The following CD101 variants were observed in gnomAD, a reference collection of about 807,000 sequenced individuals.
CD101 encodes the protein CD101 molecule.
In CD101, 76 loss-of-function variants were observed where a neutral mutation model predicts 98.2. The ratio of observed to expected loss-of-function variants is 0.77; its 90% CI spans 0.64 to 0.94. CD101 has a LOEUF of 0.94. CD101 is among the 40% of genes least tolerant of loss of function. The pLI, the probability that CD101 is intolerant of heterozygous loss-of-function variation, is 0.00. For missense variants in CD101, 1,145 were observed against 1,218.8 expected (o/e 0.94, Z 0.90); for synonymous variants, 471 against 472.7 (o/e 1.00, Z 0.05).
chr1:117,028,166 T>C (rs1324144711), intron 8 of CD101, among the ~76,000 whole-genome samples: 6 of 152,002 alleles, frequency 3.9e-5, no homozygotes, highest in Non-Finnish European at 5.9e-5. Context: ...AGGTAGTATA[T>C]GAAATTGTGG....
intron 1 of CD101, among the ~76,000 whole-genome samples, chr1:117,007,640 G>A (rs111965281): frequency 1.3e-5 from 2 of 152,204 alleles, no homozygotes; most frequent in East Asian, 3.9e-4. Flanking sequence ...GAGCCACCTC[G>A]CCTGGTCATT....
Position 117,013,549 on chromosome 1 carries a change from A to G in CD101, c.985A>G (p.Ile329Val), listed in dbSNP as rs1653012300. The G allele has an allele frequency of 1.2e-6, 2 of 1,614,164 alleles. No homozygotes were observed. Among genetic ancestry groups the G allele is most frequent in the South Asian group, 1.1e-5 (1 of 91,086 alleles). Residue 329 changes from isoleucine (I) to valine (V), a missense_variant, in exon 4 of 10, where the codon ATT becomes GTT. Coordinates refer to ENST00000682167, the MANE Select transcript of CD101 (RefSeq NM_001256106.3). Reference protein sequence around the residue: ...WFFNGTEIAHIDAGGVLGLKN... With the variant: ...WFFNGTEIAHVDAGGVLGLKN... ...CTTCAATGGGACTGAAATTGCTCACATTGATGCTGGTGGAGTCCTGGGCCT... is the reference window on the plus strand; with the variant it reads ...CTTCAATGGGACTGAAATTGCTCACGTTGATGCTGGTGGAGTCCTGGGCCT...
chr1:117,001,964 C>T, intron 1 of CD101, 104 bp downstream of exon 1: 1 of 1,034,286 alleles, frequency 9.7e-7, no homozygotes, highest in Non-Finnish European at 1.5e-6. Context: ...AACAACTATG[C>T]CATATATTTC....
In CD101 at chr1:117,018,271, T is replaced by C; in HGVS notation, c.1728T>C (p.Thr576=). The part of the protein sequence containing the change: ...AGYSDLKVPL[T]VTWQFQPASS... ...ACTCTGACCTCAAGGTGCCACTCAC[T>C]GTGACGTGGCAGTTCCAGCCAGCTA... Residue 576 remains threonine, a synonymous_variant, in exon 6 of 10, where the codon ACT becomes ACC. Transcript: ENST00000682167. This position sits in a 1 kb window ranked among gnomAD's most constrained non-coding sequence, Gnocchi z 4.3. 6.2e-7 allele frequency: 1 copy of C among 1,614,200 alleles called. No homozygotes were observed. The highest frequency in any genetic ancestry group is 2.2e-5 in the East Asian group (1 of 44,886).
At chr1:117,029,196 AAAG>A (rs1654199285) in intron 8 of CD101, among the ~76,000 whole-genome samples, 3 of 74,918 alleles carry the variant, frequency 4.0e-5, no homozygotes. Flanking sequence ...AGAAAGAAAG[AAAG>A]AAAGAAAAGA....
At position 117,025,912 on chromosome 1, in the gene CD101, G is replaced by C. The variant is rs899742960; in HGVS notation, c.2824+8G>C. ...TCACGGTGCTGCCTTCAGGTAACCAGGGGTTTATCTACCGCGAGCTCATGG... is the reference window on the plus strand; with the variant it reads ...TCACGGTGCTGCCTTCAGGTAACCACGGGTTTATCTACCGCGAGCTCATGG... On this transcript the variant is annotated splice_region_variant and intron_variant, in intron 8 of 9. Coordinates refer to ENST00000682167, the MANE Select transcript of CD101 (RefSeq NM_001256106.3). 5 of 1,597,942 alleles carry C rather than the reference G, an allele frequency of 3.1e-6. No individual in the cohort carries two copies. Among genetic ancestry groups the C allele is most frequent in the Non-Finnish European group, 4.3e-6 (5 of 1,168,610 alleles).
chr1:117,027,855 G>A (rs1220759165), intron 8 of CD101, among the ~76,000 whole-genome samples: 4 of 152,064 alleles, frequency 2.6e-5, no homozygotes, highest in Non-Finnish European at 4.4e-5. Flanking sequence ...AGGCCAAGGC[G>A]GGCGGGTCAC....
Position 117,022,725 on chromosome 1 carries a change from C to T in CD101, c.2428+742C>T, listed in dbSNP as rs7545655. 0.02 allele frequency among the ~76,000 whole-genome samples: 3,058 copies of T among 151,968 alleles called. 96 individuals carry two copies. The highest frequency in any genetic ancestry group is 0.07 in the African/African-American group (2,908 of 41,456). Reference sequence around the variant, plus strand: ...TTGAAATACTATTTTCAAGGTAACGCTAAAAAAAAATTAGATGATAATTGA... The same window carrying T: ...TTGAAATACTATTTTCAAGGTAACGTTAAAAAAAAATTAGATGATAATTGA... On this transcript the variant is annotated intron_variant, in intron 7 of 9. Transcript: ENST00000682167. This position sits in a 1 kb window ranked among gnomAD's most constrained non-coding sequence, Gnocchi z 4.8.
intron 8 of CD101, chr1:117,026,207 G>T (rs1473070731): frequency 1.9e-5 from 5 of 266,946 alleles, no homozygotes; most frequent in Middle Eastern, 2.4e-3. Flanking sequence ...AGCTTACTGA[G>T]GGAAAGGGCC....
intron 4 of CD101, among the ~76,000 whole-genome samples, chr1:117,014,770 A>C (rs1196589916): frequency 1.3e-5 from 2 of 152,198 alleles, no homozygotes; most frequent in Non-Finnish European, 2.9e-5. Context: ...CCAAAGATAG[A>C]TAAATTTTCC....
chr1:117,026,952 G>A (rs1031426208), intron 8 of CD101, among the ~76,000 whole-genome samples: 4 of 152,120 alleles, frequency 2.6e-5, no homozygotes, highest in African/African-American at 9.7e-5. Context: ...TGGTAGTCAG[G>A]GAGGCAGTGT....
chr1:117,018,504 GC>G lies in CD101; in HGVS notation c.1967del (p.Pro656ArgfsTer10), dbSNP rs769906221. The G allele has an allele frequency of 1.9e-6, 3 of 1,613,260 alleles. No individual in the cohort carries two copies. Among genetic ancestry groups the G allele is most frequent in the Non-Finnish European group, 2.5e-6 (3 of 1,179,310 alleles). ...VYDRNSLYNN[R>X]PPRASAISHP... ...GACAGAAATTCCCTATACAACAACC[GC>G]CCCCCGAGGGCTTCTGCCATCTCTC... On this transcript the variant is annotated frameshift_variant, in exon 6 of 10. Coordinates refer to ENST00000682167, the MANE Select transcript of CD101 (RefSeq NM_001256106.3). LOFTEE classifies it high-confidence loss of function. This position sits in a 1 kb window ranked among gnomAD's most constrained non-coding sequence, Gnocchi z 4.3.
chr1:117,019,660 A>G lies in CD101; in HGVS notation c.2017+1100A>G, dbSNP rs1653450088. On this transcript the variant is annotated intron_variant, in intron 6 of 9. Transcript: ENST00000682167. This position sits in a 1 kb window ranked among gnomAD's most constrained non-coding sequence, Gnocchi z 4.3. ...GTCCCTACCCATGGATACAAGCTGT[A>G]TGTTCACAACTCCCACATTCATTAT... Among the ~76,000 whole-genome samples the G allele has an allele frequency of 6.6e-6, 1 of 152,188 alleles. No individual in the cohort carries two copies. Among genetic ancestry groups the G allele is most frequent in the South Asian group, 2.1e-4 (1 of 4,828 alleles).
At position 117,011,733 on chromosome 1, in the gene CD101, A is replaced by G. The variant is rs748741771; in HGVS notation, c.608A>G (p.Lys203Arg). ...SQATEIISLS[K>R]DFILVPGPLY... Reference sequence around the variant, plus strand: ...GCCACTGAGATTATTTCTCTCTCCAAAGATTTTATATTGGTCCCTGGGCCC... The same window carrying G: ...GCCACTGAGATTATTTCTCTCTCCAGAGATTTTATATTGGTCCCTGGGCCC... The change falls in exon 3 of 10, where the codon AAA (lysine) becomes AGA (arginine). Residue 203 changes from lysine (K) to arginine (R), a missense_variant. Physicochemically the swap from Lys to Arg is conservative, Grantham distance 26. Transcript: ENST00000682167. 1 of 1,614,132 alleles carries G rather than the reference A, an allele frequency of 6.2e-7. No individual in the cohort carries two copies. Among genetic ancestry groups the G allele is most frequent in the Non-Finnish European group, 8.5e-7 (1 of 1,180,020 alleles).
intron 9 of CD101, among the ~76,000 whole-genome samples, chr1:117,035,605 A>T (rs1309559043): frequency 6.8e-6 from 1 of 147,090 alleles, no homozygotes; most frequent in Non-Finnish European, 1.5e-5. Context: ...GCTGGAGTGC[A>T]GTGGTGTGAC....
chr1:117,034,391 C>T (rs1229394902), intron 9 of CD101: 2 of 426,724 alleles, frequency 4.7e-6, no homozygotes, highest in Non-Finnish European at 8.7e-6. Context: ...ATAAGAGGCT[C>T]CCTCACACAG....
chr1:117,027,132 T>C (rs1336208425), intron 8 of CD101, among the ~76,000 whole-genome samples: 1 of 152,228 alleles, frequency 6.6e-6, no homozygotes, highest in Non-Finnish European at 1.5e-5. Context: ...AGTACAGTGC[T>C]TGGCACATTG....
In CD101 at chr1:117,022,551, G is replaced by A. The variant is rs926210479; in HGVS notation, c.2428+568G>A. Among the ~76,000 whole-genome samples the A allele has an allele frequency of 3.9e-5, 6 of 152,170 alleles. No individual in the cohort carries two copies. Among genetic ancestry groups the A allele is most frequent in the African/African-American group, 1.2e-4 (5 of 41,444 alleles). On this transcript the variant is annotated intron_variant, in intron 7 of 9. Coordinates refer to ENST00000682167, the MANE Select transcript of CD101 (RefSeq NM_001256106.3). This position sits in a 1 kb window ranked among gnomAD's most constrained non-coding sequence, Gnocchi z 4.8. ...TCCGCACTGGTCTAAGAGTGCCACT[G>A]TCTAAATGTGGGCAGGGTTGATTAG...
Position 117,033,711 on chromosome 1 carries a change from G to C in CD101, c.2825-149G>C. The C allele has an allele frequency of 1.0e-6, 1 of 963,628 alleles. No individual in the cohort carries two copies. The highest frequency in any genetic ancestry group is 1.5e-6 in the Non-Finnish European group (1 of 652,544). The allele number at this position is 963,628 out of a possible 1,614,324, so 59.7% of individuals were successfully genotyped here. A position where few individuals can be genotyped will look rare whatever the true frequency, so the allele number is the denominator to read the frequency against. On this transcript the variant is annotated intron_variant, in intron 8 of 9. Coordinates refer to ENST00000682167, the MANE Select transcript of CD101 (RefSeq NM_001256106.3). The surrounding 1 kb of genome is among the most constrained non-coding windows in gnomAD (Gnocchi z 4.8). ...CTCTTCCCCCAGTGCTCTGTCCTGTGCTCCTCATGATTTCAGGGGCCCACT... is the reference window on the plus strand; with the variant it reads ...CTCTTCCCCCAGTGCTCTGTCCTGTCCTCCTCATGATTTCAGGGGCCCACT...
Sources: gnomAD v4.1 joint callset for allele counts (sites outside exome capture counted in the v4.1 genomes callset) on GRCh38, gnomAD v4.1.1 for gene constraint, Gnocchi (gnomAD v3.1) non-coding constraint, MANE v1.5 for transcripts, NCBI Gene and HGNC (gene_info 2026-07-23, HGNC 2026-07-21) for gene names.